Variants in SYNPR observed in about 807,000 individuals in gnomAD.
SYNPR encodes the protein synaptoporin.
A neutral mutation model predicts 32.9 loss-of-function variants in SYNPR; 23 were observed. The ratio of observed to expected loss-of-function variants is 0.70; its 90% CI spans 0.50 to 0.99. The LOEUF (loss-of-function observed/expected upper bound fraction) is 0.99, where lower values mean the gene tolerates loss of function less well. Ranked by LOEUF, SYNPR falls within the 50% of genes least tolerant of loss-of-function variation. The pLI, the probability that SYNPR is intolerant of heterozygous loss-of-function variation, is 0.00. For synonymous variants in SYNPR, 146 were observed against 135.9 expected (o/e 1.07, Z -0.52); for missense variants, 318 against 349.3 (o/e 0.91, Z 0.71).
At chr3:63,532,933 G>A (rs1702136915) in intron 3 of SYNPR, among the ~76,000 whole-genome samples, 1 of 152,156 alleles carries the variant, frequency 6.6e-6, no homozygotes, top group South Asian at 2.1e-4. Context: ...GGTACTTATA[G>A]GAGGATTAGT....
At chr3:63,595,937 T>TTA (rs200856574) in intron 4 of SYNPR, among the ~76,000 whole-genome samples, 8,210 of 71,204 alleles carry the variant, frequency 0.12, 833 homozygotes, top group African/African-American at 0.15. Flanking sequence ...ATATATAGTT[T>TTA]TATATATATA....
intron 1 of SYNPR, among the ~76,000 whole-genome samples, chr3:63,230,772 G>A (rs560518007): frequency 1.3e-5 from 2 of 152,276 alleles, no homozygotes; most frequent in East Asian, 1.9e-4. Context: ...GGGTTGCTGT[G>A]AAGGATAAAT....
Position 63,564,337 on chromosome 3 carries a change from C to G in SYNPR, c.408+7596C>G, listed in dbSNP as rs528639222. Among the ~76,000 whole-genome samples the G allele has an allele frequency of 3.9e-5, 6 of 151,964 alleles. No individual in the cohort carries two copies. The East Asian group carries it at 9.7e-4, about 25-fold the overall frequency. On this transcript the variant is annotated intron_variant, in intron 4 of 5. Transcript: ENST00000478300. ...TCAGCCTCCCCAGTAGCTGAGATTA[C>G]AGGGGTGCACCACCATGCCCAGCTA...
intron 2 of SYNPR, among the ~76,000 whole-genome samples, chr3:63,297,643 G>A (rs1554574): frequency 0.47 from 70,760 of 152,032 alleles, 16,662 homozygotes; most frequent in Middle Eastern, 0.52. Flanking sequence ...TCTATAATTA[G>A]CAAGATAGTC....
intron 3 of SYNPR, among the ~76,000 whole-genome samples, chr3:63,498,948 TAAA>T (rs11328669): frequency 3.6e-5 from 4 of 109,634 alleles, no homozygotes; most frequent in Non-Finnish European, 3.8e-5. Flanking sequence ...ACCTCACCTC[TAAA>T]AAAAAAAAAA....
intron 2 of SYNPR, among the ~76,000 whole-genome samples, chr3:63,361,888 G>C (rs1459476708): frequency 6.6e-6 from 1 of 152,002 alleles, no homozygotes; most frequent in African/African-American, 2.4e-5. Context: ...GCCTTATGGG[G>C]CAACTCCTGA....
chr3:63,406,556 C>T (rs999700967), intron 2 of SYNPR, among the ~76,000 whole-genome samples: 8 of 151,918 alleles, frequency 5.3e-5, no homozygotes, highest in African/African-American at 1.9e-4. Context: ...CCGAGCCTGA[C>T]TCTGATTCTC....
chr3:63,567,924 G>A (rs765737216), intron 4 of SYNPR, among the ~76,000 whole-genome samples: 2 of 152,186 alleles, frequency 1.3e-5, no homozygotes, highest in Non-Finnish European at 2.9e-5. Flanking sequence ...GCTATCTCAA[G>A]AAATAGACAG....
intron 4 of SYNPR, among the ~76,000 whole-genome samples, chr3:63,608,459 A>G (rs779813882): frequency 2.6e-5 from 4 of 152,224 alleles, no homozygotes; most frequent in Non-Finnish European, 5.9e-5. Context: ...AATTTTATAC[A>G]AAACCTCTCA....
intron 2 of SYNPR, among the ~76,000 whole-genome samples, chr3:63,376,584 G>C (rs979472683): frequency 7.2e-5 from 11 of 151,996 alleles, no homozygotes; most frequent in Admixed American, 3.3e-4. Context: ...TCTCAGACCT[G>C]TTCATCACCC....
At chr3:63,604,440 G>A (rs1265597895) in intron 4 of SYNPR, among the ~76,000 whole-genome samples, 1 of 152,110 alleles carries the variant, frequency 6.6e-6, no homozygotes, top group Admixed American at 6.5e-5. Context: ...ATATTAGGTT[G>A]TTAATTTGAG....
upstream of SYNPR, among the ~76,000 whole-genome samples, chr3:63,226,913 G>A (rs1361541426): frequency 6.6e-6 from 1 of 152,050 alleles, no homozygotes; most frequent in African/African-American, 2.4e-5. Flanking sequence ...TGTATTCCTT[G>A]AATACCCTGA....
chr3:63,521,692 T>C (rs969244542), intron 3 of SYNPR, among the ~76,000 whole-genome samples: 2 of 152,212 alleles, frequency 1.3e-5, no homozygotes, highest in African/African-American at 2.4e-5. Flanking sequence ...GAAACCCACA[T>C]TGGATCAGGC....
At chr3:63,219,230 T>A in the SYNPR span, among the ~76,000 whole-genome samples, 1 of 152,130 alleles carries the variant, frequency 6.6e-6, no homozygotes, top group Non-Finnish European at 1.5e-5. Flanking sequence ...GAGTGGAAGA[T>A]CTTTCTAGCC....
At chr3:63,289,679 C>T (rs1052074762) in intron 2 of SYNPR, among the ~76,000 whole-genome samples, 3 of 152,078 alleles carry the variant, frequency 2.0e-5, no homozygotes, top group Non-Finnish European at 4.4e-5. Context: ...CGAATTTCAA[C>T]TTGAGATTTG....
chr3:63,452,919 T>A (rs1700405752), intron 2 of SYNPR, among the ~76,000 whole-genome samples: 1 of 152,104 alleles, frequency 6.6e-6, no homozygotes. Flanking sequence ...CAATAATCGT[T>A]CTTGAAATAA....
intron 4 of SYNPR, among the ~76,000 whole-genome samples, chr3:63,584,259 C>T (rs1703143618): frequency 6.6e-6 from 1 of 151,964 alleles, no homozygotes; most frequent in Admixed American, 6.6e-5. Context: ...CTCTTTCAGC[C>T]CAAATGGCAG....
chr3:63,519,575 G>A (rs1701867316), intron 3 of SYNPR, among the ~76,000 whole-genome samples: 2 of 152,118 alleles, frequency 1.3e-5, no homozygotes, highest in Admixed American at 6.5e-5. Context: ...CATCAGTGAT[G>A]CCTCTTCTCT....
chr3:63,350,898 G>A (rs1286617891), intron 2 of SYNPR, among the ~76,000 whole-genome samples: 1 of 152,096 alleles, frequency 6.6e-6, no homozygotes, highest in Non-Finnish European at 1.5e-5. Context: ...TCTGTTCAAG[G>A]TGCAGCTCCT....
Sources: allele counts gnomAD v4.1 joint callset (sites outside exome capture counted in the v4.1 genomes callset), GRCh38; gene constraint gnomAD v4.1.1; transcripts MANE v1.5; gene names NCBI Gene and HGNC (gene_info 2026-07-23, HGNC 2026-07-21).